Variants in FER1L5 observed in about 807,000 individuals in gnomAD.
FER1L5 encodes the protein fer-1-like protein 5.
FER1L5 carries 187 observed loss-of-function variants against 279.9 expected under a neutral mutation model. That is an observed-to-expected ratio of 0.67 (90% CI 0.59 to 0.75). The LOEUF (loss-of-function observed/expected upper bound fraction) is 0.75. FER1L5 is among the 30% of genes least tolerant of loss of function. The probability of loss-of-function intolerance (pLI) is 0.00; values close to 1 mark genes in which losing one functional copy is unlikely to be tolerated. For missense variants in FER1L5, 2,091 were observed against 2,594.4 expected (o/e 0.81, Z 4.21); for synonymous variants, 921 against 989.7 (o/e 0.93, Z 1.30).
At chr2:96,680,495 T>C (rs912213864) in intron 19 of FER1L5, among the ~76,000 whole-genome samples, 1 of 152,112 alleles carries the variant, frequency 6.6e-6, no homozygotes, top group African/African-American at 2.4e-5. Flanking sequence ...GTCCTCTCTC[T>C]GGGCTGCATT....
Position 96,702,715 on chromosome 2 carries a change from G to T in FER1L5, c.5371G>T (p.Glu1791Ter). ...FIFTMDYLAA[E>*]RTCVQSQKDY... ...CTTTACCATGGACTACCTGGCGGCG[G>T]AGCGCACGTGTGTCCAGAGCCAGAA... The change falls in exon 48 of 53, where the codon GAG (glutamate) becomes TAG (stop). Residue 1791 changes from glutamate (E) to a stop codon, truncating the protein, a stop_gained. Coordinates refer to ENST00000624922, the MANE Select transcript of FER1L5 (RefSeq NM_001293083.2). LOFTEE classifies it high-confidence loss of function. The surrounding 1 kb of genome is among the most constrained non-coding windows in gnomAD (Gnocchi z 4.0). 2 of 1,613,126 alleles carry T rather than the reference G, an allele frequency of 1.2e-6. No homozygotes were observed. The highest frequency in any genetic ancestry group is 2.7e-5 in the African/African-American group (2 of 75,040).
In FER1L5 at chr2:96,693,525, C is replaced by T; in HGVS notation, c.3312C>T (p.Val1104=). Residue 1104 remains valine (V), a synonymous_variant, in exon 32 of 53, where the codon GTC becomes GTT. Transcript: ENST00000624922. ...LTFQGPFIRV[V]FLNHSQCTQT... is the part of the protein sequence containing the mutation. ...CTCCAGGGCCCTTCATTCGGGTGGT[C>T]TTCCTGAACCACAGCCAGTGCACCC... 4.5e-6 allele frequency: 7 copies of T among 1,551,096 alleles called. No homozygotes were observed. The highest frequency in any genetic ancestry group is 6.1e-6 in the Non-Finnish European group (7 of 1,146,790).
In FER1L5 at chr2:96,661,777, A is replaced by G. The variant is rs1200014787; in HGVS notation, c.1004A>G (p.Glu335Gly). 1.3e-6 allele frequency: 2 copies of G among 1,551,734 alleles called. No individual in the cohort carries two copies. The highest frequency in any genetic ancestry group is 1.7e-6 in the Non-Finnish European group (2 of 1,147,006). The change falls in exon 12 of 53, where the codon GAG (glutamate) becomes GGG (glycine). Residue 335 changes from glutamate to glycine, a missense_variant. Glu to Gly is a moderately conservative substitution (Grantham distance 98, BLOSUM62 -2). Transcript: ENST00000624922. ...TTACAGCTCTTCATCTACTGCGCAG[A>G]GGACCTTCACCTCAGTTAGAGTCTG... is the stretch of plus-strand genomic sequence containing the variant. ...AYLQLFIYCAEDLHLKKHQSV... is the reference protein window; with the variant it reads ...AYLQLFIYCAGDLHLKKHQSV...
intron 13 of FER1L5, among the ~76,000 whole-genome samples, 184 bp from the exon 14 acceptor site, chr2:96,663,255 A>G (rs2076015110): frequency 6.6e-6 from 1 of 152,246 alleles, no homozygotes; most frequent in Non-Finnish European, 1.5e-5. Flanking sequence ...ACCTCGGGTA[A>G]GTACACAAAG....
rs930378718 is a variant in FER1L5, at chr2:96,690,625, C to A, written c.2743+36C>A. On this transcript the variant is annotated intron_variant, in intron 27 of 52. Transcript: ENST00000624922. ...TGGTCAGGGTTGGGATCGGGAGAGA[C>A]CAGGGCCTCAAAATAACGGCAGCCA... 4 of 1,521,440 alleles carry A rather than the reference C, an allele frequency of 2.6e-6. No homozygotes were observed. The African/African-American group carries it at 5.5e-5, about 21-fold the overall frequency. 94.2% of individuals were successfully genotyped at this position (1,521,440 alleles called of 1,614,324 possible).
At position 96,669,077 on chromosome 2, in the gene FER1L5, C is replaced by G. The variant is rs2076230891; in HGVS notation, c.1302C>G (p.Pro434=). 1 of 1,551,738 alleles carries G rather than the reference C, an allele frequency of 6.4e-7. No homozygotes were observed. The highest frequency in any genetic ancestry group is 8.7e-7 in the Non-Finnish European group (1 of 1,147,008). ...CCGGCTTCCTGCCCTGCTTTGGCCC[C>G]AGCTTCCTGACTCTGCATGGGGGTA... The part of the protein sequence containing the change: ...VYSGFLPCFG[P]SFLTLHGGKK... The change falls in exon 17 of 53, where the codon CCC becomes CCG. Residue 434 remains proline (P), a synonymous_variant. Coordinates refer to ENST00000624922, the MANE Select transcript of FER1L5 (RefSeq NM_001293083.2).
chr2:96,683,819 T>C (rs1401926777), intron 19 of FER1L5, among the ~76,000 whole-genome samples: 2 of 152,252 alleles, frequency 1.3e-5, no homozygotes, highest in Admixed American at 1.3e-4. Flanking sequence ...AGCAGTGCGG[T>C]TCAGAATCCT....
In FER1L5 at chr2:96,699,566, T is replaced by C; in HGVS notation, c.4627T>C (p.Cys1543Arg). The change falls in exon 43 of 53, where the codon TGC becomes CGC. Residue 1543 changes from cysteine to arginine, a missense_variant. Cys to Arg is a radical substitution (Grantham distance 180). Transcript: ENST00000624922. ...PIFGMMFELT[C>R]NIPLEKDLEI... ...CACCCCTAGGATGTTTGAACTCACC[T>C]GCAACATACCCCTGGAGAAGGACCT... The C allele has an allele frequency of 6.2e-7, 1 of 1,613,884 alleles. No homozygotes were observed. The highest frequency in any genetic ancestry group is 8.5e-7 in the Non-Finnish European group (1 of 1,179,828).
chr2:96,699,608 G>A lies in FER1L5; in HGVS notation c.4669G>A (p.Asp1557Asn). The change falls in exon 43 of 53, where the codon GAC (aspartate) becomes AAC (asparagine). Residue 1557 changes from aspartate (D) to asparagine (N), a missense_variant. Transcript: ENST00000624922. The stretch of plus-strand genomic sequence containing the variant: ...GAAGGACCTAGAGATCCAGCTCTAT[G>A]ACTTCGACCTATTTTCACCTGATGA... ...LEKDLEIQLY[D>N]FDLFSPDDKI... 1 of 1,614,008 alleles carries A rather than the reference G, an allele frequency of 6.2e-7. No individual in the cohort carries two copies. The highest frequency in any genetic ancestry group is 8.5e-7 in the Non-Finnish European group (1 of 1,179,898).
chr2:96,693,457 C>A, intron 31 of FER1L5, 49 bp from the exon 32 acceptor site: 2 of 1,493,566 alleles, frequency 1.3e-6, no homozygotes, highest in Non-Finnish European at 9.0e-7. Context: ...GAGAGGAAAG[C>A]CCCTCTTCCC....
rs1299819680 is a variant in FER1L5 at position 96,691,449 on chromosome 2, T to C, written c.2912T>C (p.Leu971Pro). ...QETLSFLQLG[L>P]AKGEEEGWEY... ...CTGCTCTCCTCCCCACCACAGGGCC[T>C]GGCCAAGGGCGAGGAGGAGGGCTGG... Residue 971 changes from leucine to proline, a missense_variant, in exon 29 of 53, where the codon CTG (leucine) becomes CCG (proline). Transcript: ENST00000624922. This position sits in a 1 kb window ranked among gnomAD's most constrained non-coding sequence, Gnocchi z 6.0. 2 of 1,538,312 alleles carry C rather than the reference T, an allele frequency of 1.3e-6. No individual in the cohort carries two copies. Among genetic ancestry groups the C allele is most frequent in the Non-Finnish European group, 1.8e-6 (2 of 1,140,122 alleles).
At position 96,692,132 on chromosome 2, in the gene FER1L5, C is replaced by T; in HGVS notation, c.3243C>T (p.Tyr1081=). 1.9e-6 allele frequency: 3 copies of T among 1,551,658 alleles called. No individual in the cohort carries two copies. The highest frequency in any genetic ancestry group is 2.6e-6 in the Non-Finnish European group (3 of 1,146,978). Residue 1081 remains tyrosine (Y), a synonymous_variant, in exon 31 of 53, where the codon TAC becomes TAT. Coordinates refer to ENST00000624922, the MANE Select transcript of FER1L5 (RefSeq NM_001293083.2). ...CCCACTACTACCAGCTCTTCTGCTACATCTACCAGGCCCGGAACCTGGTGT... is the reference window on the plus strand; with the variant it reads ...CCCACTACTACCAGCTCTTCTGCTATATCTACCAGGCCCGGAACCTGGTGT... ...NKPHYYQLFC[Y]IYQARNLVSN...
At chr2:96,657,301 C>T (rs2075639306) in intron 9 of FER1L5, among the ~76,000 whole-genome samples, 1 of 152,014 alleles carries the variant, frequency 6.6e-6, no homozygotes, top group Admixed American at 6.6e-5. Context: ...TCTCAAACTC[C>T]TGGCTTCAAG....
Position 96,675,332 on chromosome 2 carries a change from C to G in FER1L5, c.1669+2078C>G, listed in dbSNP as rs141364606. Among the ~76,000 whole-genome samples, 313 of 152,258 alleles carry G rather than the reference C, an allele frequency of 2.1e-3. 1 individual carries two copies. Among genetic ancestry groups the G allele is most frequent in the African/African-American group, 7.1e-3 (294 of 41,540 alleles). On this transcript the variant is annotated intron_variant, in intron 19 of 52. Coordinates refer to ENST00000624922, the MANE Select transcript of FER1L5 (RefSeq NM_001293083.2). ...GAAACTCAAAGCAAAAGTGATTATA[C>G]CAAATTACACTCTCCTCAGCATGGT...
At chr2:96,676,631 G>GTT (rs78893053) in intron 19 of FER1L5, among the ~76,000 whole-genome samples, 5 of 114,790 alleles carry the variant, frequency 4.4e-5, no homozygotes, top group Admixed American at 1.7e-4. Flanking sequence ...GGTATTTTTT[G>GTT]TTTTTTTTTT....
chr2:96,703,352 A>C lies in FER1L5; in HGVS notation c.5691+6A>C, dbSNP rs1176195382. 6.2e-7 allele frequency: 1 copy of C among 1,606,702 alleles called. No individual in the cohort carries two copies. ...GTGGCAAATGGCGCTTGTCGGTAGG[A>C]GCTGGGGAGTGTCTACTGATTAGGG... is the stretch of plus-strand genomic sequence containing the variant. On this transcript the variant is annotated splice_donor_region_variant and intron_variant, in intron 50 of 52. Coordinates refer to ENST00000624922, the MANE Select transcript of FER1L5 (RefSeq NM_001293083.2).
At chr2:96,700,914 T>C (rs2077566425) in intron 45 of FER1L5, among the ~76,000 whole-genome samples, 1 of 152,216 alleles carries the variant, frequency 6.6e-6, no homozygotes, top group Admixed American at 6.5e-5. Flanking sequence ...CACCTAATTA[T>C]CATTCACTCT....
At position 96,682,247 on chromosome 2, in the gene FER1L5, C is replaced by T. The variant is rs536411166; in HGVS notation, c.1670-2080C>T. On this transcript the variant is annotated intron_variant, in intron 19 of 52. Transcript: ENST00000624922. ...GATTACAGCTGCCCACCATCACACT[C>T]GGCTAATTCTTTTTTTATATTTTTA... Among the ~76,000 whole-genome samples, 14 of 152,266 alleles carry T rather than the reference C, an allele frequency of 9.2e-5. 1 individual carries two copies. The South Asian group carries it at 2.3e-3, about 25-fold the overall frequency.
intron 1 of FER1L5, among the ~76,000 whole-genome samples, chr2:96,643,733 T>TA (rs1342044703): frequency 6.9e-6 from 1 of 144,566 alleles, no homozygotes; most frequent in African/African-American, 2.5e-5. Flanking sequence ...TTATCTCCAT[T>TA]TTTTTTTTTT....
Sources: allele counts gnomAD v4.1 joint callset (sites outside exome capture counted in the v4.1 genomes callset), GRCh38; gene constraint gnomAD v4.1.1; non-coding constraint Gnocchi (gnomAD v3.1); transcripts MANE v1.5; gene names NCBI Gene and HGNC (gene_info 2026-07-23, HGNC 2026-07-21).